The following RPH3AL variants were observed in gnomAD, a reference collection of about 807,000 sequenced individuals.
The protein encoded by RPH3AL is rab effector Noc2.
RPH3AL carries 38 observed loss-of-function variants against 43.1 expected under a neutral mutation model. The ratio of observed to expected loss-of-function variants is 0.88; its 90% CI spans 0.68 to 1.15. RPH3AL has a LOEUF of 1.15. RPH3AL is among the 50% of genes most tolerant of loss of function. The pLI, the probability that RPH3AL is intolerant of heterozygous loss-of-function variation, is 0.00. For synonymous variants in RPH3AL, 189 were observed against 176.3 expected (o/e 1.07, Z -0.57); for missense variants, 462 against 423.2 (o/e 1.09, Z -0.81).
intron 6 of RPH3AL, among the ~76,000 whole-genome samples, chr17:253,538 A>T (rs1438829745): frequency 6.6e-6 from 1 of 152,148 alleles, no homozygotes; most frequent in African/African-American, 2.4e-5. Flanking sequence ...GTATTAAAGT[A>T]TTCATAACAT....
At chr17:344,617 A>G (rs115987194) in intron 1 of RPH3AL, among the ~76,000 whole-genome samples, 2,338 of 133,206 alleles carry the variant, frequency 0.018, 305 homozygotes, top group African/African-American at 0.056. Flanking sequence ...CATCACCATC[A>G]TCACTATCAT....
chr17:227,868 T>A (rs370990041), intron 7 of RPH3AL, among the ~76,000 whole-genome samples: 1 of 151,598 alleles, frequency 6.6e-6, no homozygotes, highest in South Asian at 2.1e-4. Context: ...AAATTTTGCA[T>A]ACTAAAAACA....
chr17:263,292 G>T (rs1363623507), intron 6 of RPH3AL, among the ~76,000 whole-genome samples: 9 of 152,168 alleles, frequency 5.9e-5, no homozygotes, highest in Admixed American at 2.0e-4. Flanking sequence ...CTTAATCAAA[G>T]AGCCGAAAGT....
intron 6 of RPH3AL, chr17:261,747 C>G (rs546930254): frequency 9.2e-5 from 14 of 152,298 alleles, no homozygotes; most frequent in African/African-American, 3.4e-4. Flanking sequence ...CTTACACACA[C>G]TCTTTTTAAG....
At chr17:304,627 C>T (rs1359052098) in intron 5 of RPH3AL, among the ~76,000 whole-genome samples, 1 of 152,060 alleles carries the variant, frequency 6.6e-6, no homozygotes, top group Non-Finnish European at 1.5e-5. Flanking sequence ...GACGATTCCA[C>T]CCGGCCAGGG....
intron 7 of RPH3AL, among the ~76,000 whole-genome samples, chr17:239,064 C>T (rs970916120): frequency 6.6e-6 from 1 of 152,156 alleles, no homozygotes; most frequent in Non-Finnish European, 1.5e-5. Context: ...CAGGCCAGGC[C>T]GTTCCCCACC....
intron 4 of RPH3AL, among the ~76,000 whole-genome samples, chr17:320,253 G>A (rs1055087865): frequency 6.6e-6 from 1 of 150,450 alleles, no homozygotes; most frequent in Non-Finnish European, 1.5e-5. Flanking sequence ...AGGGACAGGG[G>A]CATGTTCCAT....
chr17:272,593 C>T (rs1234745781), intron 6 of RPH3AL, among the ~76,000 whole-genome samples: 1 of 108,364 alleles, frequency 9.2e-6, no homozygotes, highest in Non-Finnish European at 1.7e-5. Flanking sequence ...CATCACACTC[C>T]AGGGACTGTT....
intron 5 of RPH3AL, among the ~76,000 whole-genome samples, chr17:297,755 C>G (rs1002945408): frequency 1.3e-5 from 2 of 152,240 alleles, no homozygotes. Context: ...CCTCGGTCCT[C>G]TCTCCACCAT....
intron 1 of RPH3AL, among the ~76,000 whole-genome samples, chr17:346,226 T>G (rs1166301835): frequency 1.5e-5 from 2 of 135,050 alleles, no homozygotes; most frequent in Admixed American, 7.2e-5. Context: ...ACAAGCATAG[T>G]CCAACTTCTC....
chr17:224,601 T>C (rs1195904147), intron 7 of RPH3AL, among the ~76,000 whole-genome samples: 1 of 152,196 alleles, frequency 6.6e-6, no homozygotes, highest in African/African-American at 2.4e-5. Flanking sequence ...AGGGACCAAA[T>C]TGCACATGCA....
At chr17:313,804 T>C (rs1211638487) in intron 5 of RPH3AL, among the ~76,000 whole-genome samples, 1 of 152,112 alleles carries the variant, frequency 6.6e-6, no homozygotes, top group African/African-American at 2.4e-5. Flanking sequence ...AATGAACGAA[T>C]GACACCACCT....
chr17:264,460 G>A lies in RPH3AL; in HGVS notation c.439-17175C>T, dbSNP rs1331945073. 2.1e-5 allele frequency among the ~76,000 whole-genome samples: 3 copies of A among 144,610 alleles called. No individual in the cohort carries two copies. The highest frequency in any genetic ancestry group is 4.7e-4 in the South Asian group (2 of 4,270). 94.9% of individuals were successfully genotyped at this position (144,610 alleles called of 152,430 possible). ...CATGTTGACAGCAGGATTACCCTTC[G>A]GAGCCGCGAGCGCTGGATGGGGACT... On this transcript the variant is annotated intron_variant, in intron 6 of 9. Transcript: ENST00000331302. The surrounding 1 kb of genome is among the most constrained non-coding windows in gnomAD (Gnocchi z 4.8).
At chr17:311,606 C>A (rs1224763764) in intron 5 of RPH3AL, among the ~76,000 whole-genome samples, 1 of 152,162 alleles carries the variant, frequency 6.6e-6, no homozygotes, top group Non-Finnish European at 1.5e-5. Flanking sequence ...TTTTTGGATC[C>A]CCCCAACCCA....
chr17:266,965 C>G (rs2042340037), intron 6 of RPH3AL, among the ~76,000 whole-genome samples: 1 of 152,208 alleles, frequency 6.6e-6, no homozygotes, highest in Non-Finnish European at 1.5e-5. Flanking sequence ...GACAGGTCGC[C>G]AAGCTTCATC....
chr17:272,939 A>T (rs1216929945), intron 6 of RPH3AL, among the ~76,000 whole-genome samples: 20 of 121,806 alleles, frequency 1.6e-4, no homozygotes, highest in African/African-American at 4.7e-4. Flanking sequence ...GACATCAGGG[A>T]GAGACCCCAG....
intron 5 of RPH3AL, among the ~76,000 whole-genome samples, chr17:293,208 G>T (rs2043086350): frequency 6.6e-6 from 1 of 152,154 alleles, no homozygotes; most frequent in African/African-American, 2.4e-5. Flanking sequence ...ATTTCCTGTG[G>T]CTTTCAAGCT....
At chr17:247,846 G>A (rs1341578212) in intron 6 of RPH3AL, among the ~76,000 whole-genome samples, 1 of 152,190 alleles carries the variant, frequency 6.6e-6, no homozygotes, top group South Asian at 2.1e-4. Flanking sequence ...CCTAGTGACA[G>A]GAAGCCCACA....
At chr17:220,759 A>G (rs1555530783) in intron 7 of RPH3AL, among the ~76,000 whole-genome samples, 1 of 17,994 alleles carries the variant, frequency 5.6e-5, no homozygotes, top group Admixed American at 4.8e-4. Context: ...GAGACAATAG[A>G]CCCAAGCACA....
Sources: gnomAD v4.1 joint callset for allele counts (sites outside exome capture counted in the v4.1 genomes callset) on GRCh38, gnomAD v4.1.1 for gene constraint, Gnocchi (gnomAD v3.1) non-coding constraint, MANE v1.5 for transcripts, NCBI Gene and HGNC (gene_info 2026-07-23, HGNC 2026-07-21) for gene names.